The following ANKRD13B variants were observed in gnomAD, a reference collection of about 807,000 sequenced individuals.
ANKRD13B encodes the protein ankyrin repeat domain-containing protein 13B.
In ANKRD13B, 33 loss-of-function variants were observed where a neutral mutation model predicts 74.4. The observed-to-expected ratio is 0.44, with a 90% CI of 0.34 to 0.59. The LOEUF (loss-of-function observed/expected upper bound fraction) is 0.59, where lower values mean the gene tolerates loss of function less well. Ranked by LOEUF, ANKRD13B falls within the 20% of genes least tolerant of loss-of-function variation. The pLI, the probability that ANKRD13B is intolerant of heterozygous loss-of-function variation, is 0.02. For missense variants in ANKRD13B, 676 were observed against 877.9 expected, an observed-to-expected ratio of 0.77 and a Z score of 2.91; for synonymous variants, 341 against 362.9, an observed-to-expected ratio of 0.94 and a Z score of 0.68.
chr17:29,594,356 C>G (rs1046197164), intron 1 of ANKRD13B, among the ~76,000 whole-genome samples: 4 of 152,298 alleles, frequency 2.6e-5, no homozygotes, highest in South Asian at 4.1e-4. Context: ...GTGCTGGGGC[C>G]TGGTTTCTAG....
intron 7 of ANKRD13B, among the ~76,000 whole-genome samples, chr17:29,610,134 G>A (rs1312534913): frequency 2.0e-5 from 3 of 151,038 alleles, no homozygotes. Flanking sequence ...GGAGCTTGCA[G>A]TGTGCAGCGA....
rs564778232 is a variant in ANKRD13B, at chr17:29,611,223, G to C, written c.905-356G>C. 1.3e-5 allele frequency among the ~76,000 whole-genome samples: 2 copies of C among 152,312 alleles called. No homozygotes were observed. The highest frequency in any genetic ancestry group is 3.9e-4 in the East Asian group (2 of 5,188). ...TCACAGGGGAACAACATGAAATCAT[G>C]CCTATGGAAGTGCCTGAAGCAAACA... On this transcript the variant is annotated intron_variant, in intron 8 of 14. Transcript: ENST00000394859. The surrounding 1 kb of genome is among the most constrained non-coding windows in gnomAD (Gnocchi z 4.3).
chr17:29,608,654 C>G lies in ANKRD13B; in HGVS notation c.422-197C>G, dbSNP rs1199824725. ...GACTTAGTGGTGACAGAAACATGCC[C>G]GTCCCGACCTCAGGTTGCTCTTCTG... On this transcript the variant is annotated intron_variant, in intron 4 of 14. Coordinates refer to ENST00000394859, the MANE Select transcript of ANKRD13B (RefSeq NM_152345.5). The surrounding 1 kb of genome is among the most constrained non-coding windows in gnomAD (Gnocchi z 6.4). 2.9e-6 allele frequency: 2 copies of G among 689,562 alleles called. No individual in the cohort carries two copies. The highest frequency in any genetic ancestry group is 4.7e-6 in the Non-Finnish European group (2 of 421,712). The allele number at this position is 689,562 out of a possible 1,614,324, so 42.7% of individuals were successfully genotyped here.
chr17:29,606,768 T>G (rs1338287315), intron 1 of ANKRD13B, among the ~76,000 whole-genome samples: 1 of 142,714 alleles, frequency 7.0e-6, no homozygotes, highest in Non-Finnish European at 1.5e-5. Flanking sequence ...AAATCTTTTG[T>G]CTGGGCACTG....
intron 1 of ANKRD13B, among the ~76,000 whole-genome samples, chr17:29,603,299 T>G (rs144969418): frequency 0.027 from 4,126 of 152,080 alleles, 198 homozygotes; most frequent in African/African-American, 0.091. Context: ...TGGAGTGCAG[T>G]GGCGTGATCA....
At position 29,593,661 on chromosome 17, in the gene ANKRD13B, G is replaced by C; in HGVS notation, c.40G>C (p.Gly14Arg). 6 of 1,429,148 alleles carry C rather than the reference G, an allele frequency of 4.2e-6. No individual in the cohort carries two copies. Among genetic ancestry groups the C allele is most frequent in the Non-Finnish European group, 5.6e-6 (6 of 1,080,346 alleles). The allele number at this position is 1,429,148 out of a possible 1,614,324, so 88.5% of individuals were successfully genotyped here. A position where few individuals can be genotyped will look rare whatever the true frequency, so the allele number is the denominator to read the frequency against. Residue 14 changes from glycine to arginine, a missense_variant, in exon 1 of 15, where the codon GGC becomes CGC. By Grantham distance (125) the Gly-to-Arg change is moderately radical. This residue lies in a region of ANKRD13B where 88 missense variants were observed against 87.8 expected (regional missense o/e 1.00). Coordinates refer to ENST00000394859, the MANE Select transcript of ANKRD13B (RefSeq NM_152345.5). ...CGCCTCCGCCAGGAAGGGGCCCGAGGGCAAGTATCCGCTGCACTACCTCGT... is the reference window on the plus strand; with the variant it reads ...CGCCTCCGCCAGGAAGGGGCCCGAGCGCAAGTATCCGCTGCACTACCTCGT... ...ANASARKGPE[G>R]KYPLHYLVWH...
chr17:29,608,716 T>C lies in ANKRD13B; in HGVS notation c.422-135T>C. 1.6e-6 allele frequency: 2 copies of C among 1,265,614 alleles called. No individual in the cohort carries two copies. The highest frequency in any genetic ancestry group is 2.2e-6 in the Non-Finnish European group (2 of 925,744). The allele number at this position is 1,265,614 out of a possible 1,614,324, so 78.4% of individuals were successfully genotyped here. ...TCTACACTGGCCAGGGAGGGGGTTT[T>C]GGAGGAGAGGCTGCTCTCTCTTCAG... On this transcript the variant is annotated intron_variant, in intron 4 of 14. Transcript: ENST00000394859. This position sits in a 1 kb window ranked among gnomAD's most constrained non-coding sequence, Gnocchi z 6.4.
intron 1 of ANKRD13B, among the ~76,000 whole-genome samples, chr17:29,594,555 C>T (rs1323117369): frequency 6.6e-6 from 1 of 152,192 alleles, no homozygotes. Flanking sequence ...TCTGGCCATG[C>T]TTCAGAACAA....
At chr17:29,605,393 AATAT>A (rs899317218) in intron 1 of ANKRD13B, among the ~76,000 whole-genome samples, 4 of 149,916 alleles carry the variant, frequency 2.7e-5, no homozygotes, top group African/African-American at 2.4e-5. Context: ...TATATAGAGA[AATAT>A]ATATATATAC....
rs1490196422 is a variant in ANKRD13B at position 29,613,804 on chromosome 17, C to T, written c.*222C>T. ...GAGGCAACTGGCACGGCCTGGTCCCCCTGCTTTGCTGTATTCTGATTCCCC... is the reference window on the plus strand; with the variant it reads ...GAGGCAACTGGCACGGCCTGGTCCCTCTGCTTTGCTGTATTCTGATTCCCC... On this transcript the variant is annotated 3_prime_UTR_variant, in exon 15 of 15. Transcript: ENST00000394859. The T allele has an allele frequency of 6.1e-6, 4 of 658,628 alleles. No homozygotes were observed. The highest frequency in any genetic ancestry group is 7.1e-6 in the Non-Finnish European group (3 of 425,106). 40.8% of individuals were successfully genotyped at this position (658,628 alleles called of 1,614,324 possible).
chr17:29,596,826 G>A (rs530587216), intron 1 of ANKRD13B, among the ~76,000 whole-genome samples: 17 of 152,312 alleles, frequency 1.1e-4, no homozygotes, highest in Non-Finnish European at 1.8e-4. Flanking sequence ...TAGGAAGCTC[G>A]GGAGAGGGAG....
chr17:29,613,876 A>C lies in ANKRD13B; in HGVS notation c.*294A>C. 2.5e-6 allele frequency: 1 copy of C among 408,104 alleles called. No homozygotes were observed. Among genetic ancestry groups the C allele is most frequent in the Non-Finnish European group, 4.3e-6 (1 of 232,348 alleles). The allele number at this position is 408,104 out of a possible 1,614,324, so 25.3% of individuals were successfully genotyped here. On this transcript the variant is annotated 3_prime_UTR_variant, in exon 15 of 15. Transcript: ENST00000394859. ...ATCTGTCCTGTCCTAGGGCGGAGCC[A>C]GGCGGTCCTGAGGGGGAGATGAATC...
chr17:29,600,033 C>T (rs1015120673), intron 1 of ANKRD13B, among the ~76,000 whole-genome samples: 21 of 151,990 alleles, frequency 1.4e-4, no homozygotes, highest in South Asian at 4.2e-4. Flanking sequence ...CCCGCCACCA[C>T]GCCCAGCTAA....
intron 1 of ANKRD13B, among the ~76,000 whole-genome samples, chr17:29,605,452 A>G (rs1246109658): frequency 1.3e-5 from 2 of 152,038 alleles, no homozygotes; most frequent in Non-Finnish European, 2.9e-5. Context: ...ACACATATAT[A>G]TATACACACA....
At position 29,607,723 on chromosome 17, in the gene ANKRD13B, A is replaced by T; in HGVS notation, c.115-19A>T. On this transcript the variant is annotated intron_variant, in intron 1 of 14. Transcript: ENST00000394859. The stretch of plus-strand genomic sequence containing the variant: ...CGACGTGACTGGGGCTTTATCTTCC[A>T]CTCCTCCTCCTCCTCCAGGTGGACA... The T allele has an allele frequency of 6.3e-7, 1 of 1,584,848 alleles. No homozygotes were observed. Among genetic ancestry groups the T allele is most frequent in the South Asian group, 1.1e-5 (1 of 89,906 alleles).
At chr17:29,593,790 G>T (rs1297438770) in intron 1 of ANKRD13B, 55 bp downstream of exon 1, 2 of 1,126,064 alleles carry the variant, frequency 1.8e-6, no homozygotes, top group Non-Finnish European at 2.3e-6. Flanking sequence ...CGCCCGTCCG[G>T]CCTGGGGAGG....
Position 29,611,674 on chromosome 17 carries a change from A to G in ANKRD13B, c.969+31A>G. Reference sequence around the variant, plus strand: ...TGTGTGCAGGGGTACCCGTAAGTGGAGGGATGTGGATGTGGCTCAGGAGGA... The same window carrying G: ...TGTGTGCAGGGGTACCCGTAAGTGGGGGGATGTGGATGTGGCTCAGGAGGA... On this transcript the variant is annotated intron_variant, in intron 9 of 14. Coordinates refer to ENST00000394859, the MANE Select transcript of ANKRD13B (RefSeq NM_152345.5). This position sits in a 1 kb window ranked among gnomAD's most constrained non-coding sequence, Gnocchi z 4.3. 1 of 1,610,724 alleles carries G rather than the reference A, an allele frequency of 6.2e-7. No individual in the cohort carries two copies. Among genetic ancestry groups the G allele is most frequent in the Non-Finnish European group, 8.5e-7 (1 of 1,177,002 alleles).
In ANKRD13B at chr17:29,607,063, CA is replaced by C. The variant is rs34261270; in HGVS notation, c.115-670del. On this transcript the variant is annotated intron_variant, in intron 1 of 14. Coordinates refer to ENST00000394859, the MANE Select transcript of ANKRD13B (RefSeq NM_152345.5). ...AGACTCCGTCCCCCCAAAAAAAACACAAAAAAAAACCCCAAAAAAAGCTTTT... is the reference window on the plus strand; with the variant it reads ...AGACTCCGTCCCCCCAAAAAAAACACAAAAAAAACCCCAAAAAAAGCTTTT... 8.4e-3 allele frequency among the ~76,000 whole-genome samples: 1,267 copies of C among 150,098 alleles called. 16 individuals are homozygous for C. Among genetic ancestry groups the C allele is most frequent in the African/African-American group, 0.028 (1,148 of 40,828 alleles).
rs74267071 is a variant in ANKRD13B at position 29,601,764 on chromosome 17, G to GA, written c.115-5965dup. On this transcript the variant is annotated intron_variant, in intron 1 of 14. Transcript: ENST00000394859. ...TCAATACCAGTCATACTGGATTAGA[G>GA]AAAAAAAAAAAAAGAATTCTAGGTT... Among the ~76,000 whole-genome samples the GA allele has an allele frequency of 4.9e-3, 671 of 137,448 alleles. 16 individuals are homozygous for GA. Among genetic ancestry groups the GA allele is most frequent in the Admixed American group, 0.039 (533 of 13,814 alleles). 90.2% of individuals were successfully genotyped at this position (137,448 alleles called of 152,430 possible).
Sources: allele counts gnomAD v4.1 joint callset (sites outside exome capture counted in the v4.1 genomes callset), GRCh38; gene constraint gnomAD v4.1.1; regional missense constraint gnomAD v4.1.1; non-coding constraint Gnocchi (gnomAD v3.1); transcripts MANE v1.5; gene names NCBI Gene and HGNC (gene_info 2026-07-23, HGNC 2026-07-21).